Variants in RPL9 observed in about 807,000 individuals in gnomAD.
RPL9 encodes large ribosomal subunit protein uL6.
For synonymous variants in RPL9, 82 were observed against 77.1 expected, an observed-to-expected ratio of 1.06 and a Z score of -0.33; for missense variants, 149 against 236.7, an observed-to-expected ratio of 0.63 and a Z score of 2.43.
intron 1 of RPL9, 36 bp downstream of exon 1, chr4:39,458,855 T>G (rs1744252465): frequency 4.3e-6 from 3 of 695,836 alleles, no homozygotes; most frequent in Middle Eastern, 2.3e-4. Flanking sequence ...TGGTTTCAGA[T>G]TCCCAGTACC....
intron 5 of RPL9, 27 bp from the exon 6 acceptor site, chr4:39,454,971 G>A: frequency 6.3e-7 from 1 of 1,582,614 alleles, no homozygotes; most frequent in East Asian, 2.2e-5. Flanking sequence ...CATTTGCACA[G>A]CATCAAATCT....
At chr4:39,457,929 C>CA (rs1194040472) in intron 3 of RPL9, 1 of 626,256 alleles carries the variant, frequency 1.6e-6, no homozygotes, top group African/African-American at 1.8e-5. Context: ...GTGATTTTTA[C>CA]AAAGCAATCA....
chr4:39,454,971 G>GC, intron 5 of RPL9, 27 bp from the exon 6 acceptor site: 1 of 1,582,614 alleles, frequency 6.3e-7, no homozygotes, highest in Non-Finnish European at 8.6e-7. Flanking sequence ...CATTTGCACA[G>GC]CATCAAATCT....
At chr4:39,456,612 GCTTATA>G in intron 4 of RPL9, 74 bp from the exon 5 acceptor site, 1 of 1,498,414 alleles carries the variant, frequency 6.7e-7, no homozygotes, top group East Asian at 2.4e-5. Context: ...TTTCTAAGAT[GCTTATA>G]CTTATTTTAA....
At chr4:39,455,043 A>G (rs1230048501) in intron 5 of RPL9, 99 bp from the exon 6 acceptor site, 3 of 1,217,054 alleles carry the variant, frequency 2.5e-6, no homozygotes, top group African/African-American at 1.5e-5. Context: ...CCATGCACCA[A>G]AAGAACCTTT....
intron 3 of RPL9, chr4:39,457,883 A>G (rs1744175192): frequency 1.6e-6 from 1 of 628,286 alleles, no homozygotes; most frequent in Non-Finnish European, 2.8e-6. Flanking sequence ...CTGGAAAATT[A>G]AATCATCAGG....
chr4:39,454,497 A>G, intron 7 of RPL9, 36 bp downstream of exon 7: 1 of 1,438,136 alleles, frequency 7.0e-7, no homozygotes. Context: ...ATTCAACTAG[A>G]GCAGTAATAA....
At chr4:39,458,804 TC>T in intron 1 of RPL9, 86 bp downstream of exon 1, 1 of 686,254 alleles carries the variant, frequency 1.5e-6, no homozygotes, top group Non-Finnish European at 2.7e-6. Flanking sequence ...AGGACAAGGT[TC>T]CGAGAGTGGG....
At position 39,458,875 on chromosome 4, in the gene RPL9, A is replaced by T; in HGVS notation, c.-2+16T>A. 1 of 700,194 alleles carries T rather than the reference A, an allele frequency of 1.4e-6. No individual in the cohort carries two copies. Among genetic ancestry groups the T allele is most frequent in the South Asian group, 1.5e-5 (1 of 66,824 alleles). 43.4% of individuals were successfully genotyped at this position (700,194 alleles called of 1,614,324 possible). On this transcript the variant is annotated intron_variant, in intron 1 of 7. Transcript: ENST00000295955. ...TCAGATTCCCAGTACCCCCACGAGC[A>T]CAGAAACATCCTTACCTCGCAGTAG...
chr4:39,457,367 A>AC lies in RPL9; in HGVS notation c.258+218dup, dbSNP rs1553933086. The AC allele has an allele frequency of 1.3e-4, 55 of 412,530 alleles. 1 individual carries two copies. The highest frequency in any genetic ancestry group is 8.6e-4 in the Admixed American group (21 of 24,280). 25.6% of individuals were successfully genotyped at this position (412,530 alleles called of 1,614,324 possible). ...CCAGCCTTGATTAAAAAAAAAAAAA[A>AC]CCCAACAACAGAAAAAAACAAACAT... On this transcript the variant is annotated intron_variant, in intron 4 of 7. Transcript: ENST00000295955.
Position 39,458,180 on chromosome 4 carries a change from A to T in RPL9, c.162+14T>A. The T allele has an allele frequency of 6.2e-7, 1 of 1,613,388 alleles. No homozygotes were observed. The highest frequency in any genetic ancestry group is 1.7e-4 in the Middle Eastern group (1 of 6,058). On this transcript the variant is annotated intron_variant, in intron 3 of 7. Transcript: ENST00000295955. ...TCCAACGAGCAACTGAATTATCAGA[A>T]GAAAAACCCTCACCCTCTTTTTTTT...
At chr4:39,454,463 G>T in intron 7 of RPL9, 70 bp downstream of exon 7, 1 of 1,146,062 alleles carries the variant, frequency 8.7e-7, no homozygotes, top group Non-Finnish European at 1.2e-6. Context: ...TTCAGTTTAA[G>T]TCTTTTAGTA....
In RPL9 at chr4:39,458,271, C is replaced by T; in HGVS notation, c.85G>A (p.Gly29Ser). 1 of 1,614,142 alleles carries T rather than the reference C, an allele frequency of 6.2e-7. No individual in the cohort carries two copies. The highest frequency in any genetic ancestry group is 8.5e-7 in the Non-Finnish European group (1 of 1,180,032). Reference sequence around the variant, plus strand: ...TCCCTCCGCAGGGTTCCTCTGGGGCCCTTCACGATAACTGTGCGTCCCTTC... The same window carrying T: ...TCCCTCCGCAGGGTTCCTCTGGGGCTCTTCACGATAACTGTGCGTCCCTTC... The part of the protein sequence containing the change: ...TLKGRTVIVK[G>S]PRGTLRRDFN... Residue 29 changes from glycine to serine, a missense_variant, in exon 3 of 8, where the codon GGC (glycine) becomes AGC (serine). Transcript: ENST00000295955.
intron 6 of RPL9, 56 bp downstream of exon 6, chr4:39,454,808 A>G (rs1241579916): frequency 6.4e-7 from 1 of 1,563,878 alleles, no homozygotes; most frequent in East Asian, 2.2e-5. Flanking sequence ...ACTGTATTTT[A>G]AACAAGATTT....
intron 6 of RPL9, 41 bp from the exon 7 acceptor site, chr4:39,454,690 C>A (rs1400037412): frequency 1.3e-6 from 2 of 1,549,268 alleles, no homozygotes; most frequent in Admixed American, 1.9e-5. Flanking sequence ...ATCAGCCTAA[C>A]CCATCTTAAA....
At chr4:39,457,820 C>T (rs1744172007) in intron 3 of RPL9, 139 bp from the exon 4 acceptor site, 1 of 730,068 alleles carries the variant, frequency 1.4e-6, no homozygotes, top group South Asian at 1.7e-5. Flanking sequence ...ATCCAACCAC[C>T]TATAAAACCT....
chr4:39,458,359 G>A lies in RPL9; in HGVS notation c.46+35C>T, dbSNP rs373789067. The A allele has an allele frequency of 2.2e-5, 36 of 1,613,834 alleles. No individual in the cohort carries two copies. The African/African-American group carries it at 3.3e-4, about 15-fold the overall frequency. ...GGCCACACAACGCTTGGAACGTGCA[G>A]TAAAGATGTAAGTAAAAGACATCAA... is the stretch of plus-strand genomic sequence containing the variant. On this transcript the variant is annotated intron_variant, in intron 2 of 7. Transcript: ENST00000295955.
At chr4:39,457,424 T>C (rs563712890) in intron 4 of RPL9, 162 bp downstream of exon 4, 7 of 598,374 alleles carry the variant, frequency 1.2e-5, no homozygotes, top group Non-Finnish European at 6.0e-6. Flanking sequence ...CTCTCAGCTC[T>C]ATCGCTTAAA....
At position 39,457,728 on chromosome 4, in the gene RPL9, A is replaced by G. The variant is rs1462367528; in HGVS notation, c.163-47T>C. The G allele has an allele frequency of 4.9e-6, 7 of 1,438,536 alleles. No homozygotes were observed. The East Asian group carries it at 1.4e-4, about 28-fold the overall frequency. 89.1% of individuals were successfully genotyped at this position (1,438,536 alleles called of 1,614,324 possible). On this transcript the variant is annotated intron_variant, in intron 3 of 7. Transcript: ENST00000295955. ...ATTCTTTCCAGAAATATGCAGGCTT[A>G]AAAGACAACAGACCACTTACCGAAT...
Sources: gnomAD v4.1 joint callset for allele counts on GRCh38, gnomAD v4.1.1 for gene constraint, MANE v1.5 for transcripts, NCBI Gene and HGNC (gene_info 2026-07-23, HGNC 2026-07-21) for gene names.